The following GLRA3 variants were observed in gnomAD, a reference collection of about 807,000 sequenced individuals.
GLRA3 encodes the protein glycine receptor alpha 3, also known as glycine receptor subunit alpha-3.
A neutral mutation model predicts 60.4 loss-of-function variants in GLRA3; 44 were observed. The ratio of observed to expected loss-of-function variants is 0.73; its 90% CI spans 0.57 to 0.94. The LOEUF (loss-of-function observed/expected upper bound fraction) is 0.94, where lower values mean the gene tolerates loss of function less well. Ranked by LOEUF, GLRA3 falls within the 40% of genes least tolerant of loss-of-function variation. The probability of loss-of-function intolerance (pLI) is 0.00; values close to 1 mark genes in which losing one functional copy is unlikely to be tolerated. For missense variants in GLRA3, 508 were observed against 564.6 expected, an observed-to-expected ratio of 0.90 and a Z score of 1.02; for synonymous variants, 223 against 192.9, an observed-to-expected ratio of 1.16 and a Z score of -1.29.
At chr4:174,763,839 A>G (rs1419999128) in intron 3 of GLRA3, among the ~76,000 whole-genome samples, 1 of 152,170 alleles carries the variant, frequency 6.6e-6, no homozygotes, top group Non-Finnish European at 1.5e-5. Flanking sequence ...AAGAACGGGA[A>G]TTTCCAGTAG....
chr4:174,648,303 A>G (rs1026342793), intron 9 of GLRA3, among the ~76,000 whole-genome samples: 1 of 151,726 alleles, frequency 6.6e-6, no homozygotes, highest in Non-Finnish European at 1.5e-5. Context: ...TCTACTAAAA[A>G]TACAAAAAAA....
chr4:174,822,878 A>G (rs1740798154), intron 1 of GLRA3, among the ~76,000 whole-genome samples: 1 of 152,182 alleles, frequency 6.6e-6, no homozygotes, highest in Non-Finnish European at 1.5e-5. Context: ...GGTACTAGTA[A>G]TACTTCCTCC....
At chr4:174,680,956 T>C (rs2110968864) in intron 6 of GLRA3, among the ~76,000 whole-genome samples, 1 of 152,284 alleles carries the variant, frequency 6.6e-6, no homozygotes, top group East Asian at 1.9e-4. Context: ...AAGATTCTTG[T>C]GTAATGTAAA....
At chr4:174,817,348 C>T (rs949870374) in intron 1 of GLRA3, among the ~76,000 whole-genome samples, 6 of 152,202 alleles carry the variant, frequency 3.9e-5, no homozygotes, top group Non-Finnish European at 7.3e-5. Context: ...TTGGCAACCT[C>T]CATTCCAGCC....
rs1023116389 is a variant in GLRA3, at chr4:174,639,740, G to C, written c.*4046C>G. On this transcript the variant is annotated 3_prime_UTR_variant, in exon 10 of 10. Coordinates refer to ENST00000274093, the MANE Select transcript of GLRA3 (RefSeq NM_006529.4). ...GTTTGTAAAGAGGAATGGGGGCTGA[G>C]ATAAAAGTTTAATTTTAAAGTTAAT... 2.6e-5 allele frequency: 4 copies of C among 151,978 alleles called. No homozygotes were observed. Among genetic ancestry groups the C allele is most frequent in the African/African-American group, 9.7e-5 (4 of 41,374 alleles). The allele number at this position is 151,978 out of a possible 1,614,324, so 9.4% of individuals were successfully genotyped here.
chr4:174,775,629 T>C (rs1738568226), intron 2 of GLRA3, among the ~76,000 whole-genome samples: 1 of 152,160 alleles, frequency 6.6e-6, no homozygotes, highest in Admixed American at 6.6e-5. Context: ...ACCCCAAGAT[T>C]AGGATCAAAA....
At chr4:174,788,284 C>T (rs2111301718) in intron 2 of GLRA3, among the ~76,000 whole-genome samples, 1 of 152,100 alleles carries the variant, frequency 6.6e-6, no homozygotes, top group East Asian at 1.9e-4. Flanking sequence ...TTGACAATTA[C>T]ACTCTTTCCT....
chr4:174,740,498 T>A (rs1736976418), intron 3 of GLRA3, among the ~76,000 whole-genome samples: 1 of 152,140 alleles, frequency 6.6e-6, no homozygotes, highest in Non-Finnish European at 1.5e-5. Flanking sequence ...CCAGAGATTT[T>A]ATATCAATGA....
intron 2 of GLRA3, among the ~76,000 whole-genome samples, chr4:174,773,682 T>C (rs552384096): frequency 7.1e-6 from 1 of 140,284 alleles, no homozygotes; most frequent in East Asian, 2.2e-4. Flanking sequence ...GCATATTTGA[T>C]GACTTAAAAT....
At chr4:174,647,859 T>C (rs937679383) in intron 9 of GLRA3, among the ~76,000 whole-genome samples, 1 of 152,188 alleles carries the variant, frequency 6.6e-6, no homozygotes, top group Non-Finnish European at 1.5e-5. Flanking sequence ...CACATCTCAA[T>C]TCAGACTCTA....
chr4:174,657,872 G>A (rs1424846053), intron 8 of GLRA3, among the ~76,000 whole-genome samples: 2 of 152,066 alleles, frequency 1.3e-5, no homozygotes, highest in South Asian at 2.1e-4. Context: ...TAAATCTCCC[G>A]ATGCTGAATG....
intron 2 of GLRA3, among the ~76,000 whole-genome samples, chr4:174,772,204 C>T (rs1380747279): frequency 5.3e-5 from 8 of 152,160 alleles, no homozygotes; most frequent in African/African-American, 1.9e-4. Flanking sequence ...TTTAGGCTTT[C>T]ACTAATAGGT....
At chr4:174,663,247 T>A (rs1733523178) in intron 7 of GLRA3, among the ~76,000 whole-genome samples, 1 of 152,152 alleles carries the variant, frequency 6.6e-6, no homozygotes, top group African/African-American at 2.4e-5. Flanking sequence ...CAGTGCTGTA[T>A]CAAATGTCCA....
At chr4:174,827,243 G>A (rs1300660889) in intron 1 of GLRA3, among the ~76,000 whole-genome samples, 1 of 151,744 alleles carries the variant, frequency 6.6e-6, no homozygotes, top group Admixed American at 6.6e-5. Flanking sequence ...AAAAGTCAGA[G>A]AATCTAGTGA....
intron 1 of GLRA3, among the ~76,000 whole-genome samples, chr4:174,813,829 C>A (rs921632415): frequency 6.6e-6 from 1 of 152,118 alleles, no homozygotes; most frequent in African/African-American, 2.4e-5. Context: ...TTGTCTCTTT[C>A]TAAGTATTTC....
Position 174,645,376 on chromosome 4 carries a change from C to T in GLRA3, c.1117-1312G>A, listed in dbSNP as rs1036242731. Among the ~76,000 whole-genome samples the T allele has an allele frequency of 3.5e-5, 5 of 141,080 alleles. No individual in the cohort carries two copies. In the Admixed American group the frequency reaches 3.5e-4, roughly 10 times the overall value. 92.6% of individuals were successfully genotyped at this position (141,080 alleles called of 152,430 possible). A position where few individuals can be genotyped will look rare whatever the true frequency, so the allele number is the denominator to read the frequency against. On this transcript the variant is annotated intron_variant, in intron 9 of 9. Coordinates refer to ENST00000274093, the MANE Select transcript of GLRA3 (RefSeq NM_006529.4). Reference sequence around the variant, plus strand: ...GTAGTGAGCTGAGATCGCACCACTGCACTCCAGCCCTCCAGCCTGAGCGAC... The same window carrying T: ...GTAGTGAGCTGAGATCGCACCACTGTACTCCAGCCCTCCAGCCTGAGCGAC...
chr4:174,642,754 T>A lies in GLRA3; in HGVS notation c.*1032A>T. 10 of 738,994 alleles carry A rather than the reference T, an allele frequency of 1.4e-5. No homozygotes were observed. Among genetic ancestry groups the A allele is most frequent in the Non-Finnish European group, 1.7e-5 (10 of 605,490 alleles). 45.8% of individuals were successfully genotyped at this position (738,994 alleles called of 1,614,324 possible). On this transcript the variant is annotated 3_prime_UTR_variant, in exon 10 of 10. Transcript: ENST00000274093. ...AACTTTCCCTACTTATATTTGGAGA[T>A]AGGAGTTGAGACCCATAAAACATTG...
chr4:174,734,340 A>AT (rs1220098751), intron 3 of GLRA3, among the ~76,000 whole-genome samples: 1 of 152,282 alleles, frequency 6.6e-6, no homozygotes, highest in East Asian at 1.9e-4. Flanking sequence ...TTCTAACATC[A>AT]TCTCTGTAAT....
chr4:174,645,298 G>T (rs759414515), intron 9 of GLRA3, among the ~76,000 whole-genome samples: 2 of 151,826 alleles, frequency 1.3e-5, no homozygotes, highest in Non-Finnish European at 2.9e-5. Flanking sequence ...TGTAGTCCCA[G>T]CTACTCGGGA....
Sources: allele counts gnomAD v4.1 joint callset (sites outside exome capture counted in the v4.1 genomes callset), GRCh38; gene constraint gnomAD v4.1.1; transcripts MANE v1.5; gene names NCBI Gene and HGNC (gene_info 2026-07-23, HGNC 2026-07-21).